The following CCDC178 variants were observed in gnomAD, a reference collection of about 807,000 sequenced individuals.
CCDC178 encodes the protein coiled-coil domain-containing protein 178.
CCDC178 carries 126 observed loss-of-function variants against 117.4 expected under a neutral mutation model. That is an observed-to-expected ratio of 1.07 (90% CI 0.93 to 1.24). The LOEUF is 1.24. Among genes scored for constraint, CCDC178 ranks in the 50% most tolerant of loss-of-function variants. CCDC178 has a pLI of 0.00. For missense variants in CCDC178, 1,030 were observed against 986.9 expected, an observed-to-expected ratio of 1.04 and a Z score of -0.59; for synonymous variants, 283 against 313.4, an observed-to-expected ratio of 0.90 and a Z score of 1.02.
rs2054875746 is a variant in CCDC178 at position 32,969,164 on chromosome 18, GAGATGA to G, written c.2523+5377_2523+5382del. ...TCCAAGAACTGCAGCTGGTGCCAGG[GAGATGA>G]AGATGAAGAAATAAGACATGCTTTC... On this transcript the variant is annotated intron_variant, in intron 22 of 22. Coordinates refer to ENST00000383096, the MANE Select transcript of CCDC178 (RefSeq NM_001105528.4). 3.9e-5 allele frequency among the ~76,000 whole-genome samples: 6 copies of G among 152,142 alleles called. No homozygotes were observed. In the South Asian group the frequency reaches 1.2e-3, roughly 32 times the overall value.
At chr18:33,125,194 T>C (rs966899945) in intron 20 of CCDC178, among the ~76,000 whole-genome samples, 1 of 152,176 alleles carries the variant, frequency 6.6e-6, no homozygotes, top group South Asian at 2.1e-4. Context: ...AATTTTGTTC[T>C]GGATTTTGCA....
intron 12 of CCDC178, among the ~76,000 whole-genome samples, chr18:33,277,034 C>T (rs1413569908): frequency 2.6e-5 from 4 of 152,022 alleles, no homozygotes; most frequent in African/African-American, 4.8e-5. Context: ...GTAGCAATCC[C>T]ATTAAGAGTG....
At chr18:33,328,287 G>C (rs2062615704) in intron 10 of CCDC178, among the ~76,000 whole-genome samples, 1 of 151,750 alleles carries the variant, frequency 6.6e-6, no homozygotes, top group Non-Finnish European at 1.5e-5. Flanking sequence ...ATTTTTAGTA[G>C]AAACGGGGTT....
intron 6 of CCDC178, among the ~76,000 whole-genome samples, chr18:33,360,241 C>A (rs1239308887): frequency 6.6e-6 from 1 of 150,390 alleles, no homozygotes; most frequent in South Asian, 2.1e-4. Context: ...CTCAAAAGAA[C>A]TGAAAACAGG....
At chr18:33,204,031 C>G (rs942104592) in intron 20 of CCDC178, among the ~76,000 whole-genome samples, 1 of 152,072 alleles carries the variant, frequency 6.6e-6, no homozygotes, top group African/African-American at 2.4e-5. Flanking sequence ...GTGAAGGACA[C>G]AAATAGAGAT....
chr18:33,226,391 A>G (rs980892378), intron 16 of CCDC178, among the ~76,000 whole-genome samples: 11 of 152,184 alleles, frequency 7.2e-5, no homozygotes, highest in Admixed American at 6.5e-5. Flanking sequence ...TACATGCTTT[A>G]TTTTCAAAAT....
intron 14 of CCDC178, among the ~76,000 whole-genome samples, chr18:33,266,591 A>T (rs1020823567): frequency 6.9e-6 from 1 of 145,868 alleles, no homozygotes; most frequent in Admixed American, 6.9e-5. Flanking sequence ...GGGTGAACAA[A>T]GAGAACACAT....
At chr18:32,962,242 T>C (rs2054718719) in intron 22 of CCDC178, among the ~76,000 whole-genome samples, 1 of 152,116 alleles carries the variant, frequency 6.6e-6, no homozygotes, top group African/African-American at 2.4e-5. Flanking sequence ...GTAAATCTTA[T>C]ACTACAATGT....
intron 11 of CCDC178, among the ~76,000 whole-genome samples, chr18:33,314,252 A>C (rs1317773149): frequency 1.3e-5 from 2 of 148,350 alleles, no homozygotes; most frequent in Non-Finnish European, 3.0e-5. Flanking sequence ...GCCTAGATTC[A>C]GGCTGCCATG....
At chr18:32,967,829 T>C (rs188863420) in intron 22 of CCDC178, among the ~76,000 whole-genome samples, 12 of 151,792 alleles carry the variant, frequency 7.9e-5, no homozygotes, top group Admixed American at 7.2e-4. Context: ...TCTAATTTAA[T>C]TGTGTTTGTA....
intron 7 of CCDC178, among the ~76,000 whole-genome samples, chr18:33,349,400 T>A (rs994594254): frequency 1.3e-5 from 2 of 151,848 alleles, no homozygotes; most frequent in Non-Finnish European, 3.0e-5. Flanking sequence ...TAGAAAAATA[T>A]CTAAATTAAA....
intron 21 of CCDC178, among the ~76,000 whole-genome samples, chr18:33,038,146 A>C (rs561850521): frequency 6.6e-6 from 1 of 152,112 alleles, no homozygotes; most frequent in South Asian, 2.1e-4. Context: ...GCAAACTACT[A>C]TAGACATTTT....
At chr18:33,104,711 G>C (rs1389490671) in intron 20 of CCDC178, among the ~76,000 whole-genome samples, 1 of 151,706 alleles carries the variant, frequency 6.6e-6, no homozygotes, top group Non-Finnish European at 1.5e-5. Context: ...TACGATGGAA[G>C]GAAGGTTAAA....
chr18:33,313,634 C>A (rs1331985059), intron 11 of CCDC178, among the ~76,000 whole-genome samples: 1 of 152,136 alleles, frequency 6.6e-6, no homozygotes, highest in Non-Finnish European at 1.5e-5. Flanking sequence ...TGACTGGGAT[C>A]TTCATGGAGC....
chr18:33,190,305 C>T (rs2058842205), intron 20 of CCDC178, among the ~76,000 whole-genome samples: 1 of 152,166 alleles, frequency 6.6e-6, no homozygotes, highest in African/African-American at 2.4e-5. Context: ...TCCTATAACA[C>T]ATCTCTTATT....
intron 12 of CCDC178, among the ~76,000 whole-genome samples, chr18:33,278,596 A>G (rs979770922): frequency 2.0e-5 from 3 of 152,114 alleles, no homozygotes; most frequent in African/African-American, 4.8e-5. Flanking sequence ...TCATATACAA[A>G]ACAAACACAG....
intron 20 of CCDC178, among the ~76,000 whole-genome samples, chr18:33,211,463 T>A (rs1009690265): frequency 6.6e-6 from 1 of 151,804 alleles, no homozygotes; most frequent in Non-Finnish European, 1.5e-5. Context: ...TCCATTAGAA[T>A]ATTATGCAAA....
chr18:33,227,548 GTGTGTGTGTATATA>G (rs751032954), intron 15 of CCDC178, among the ~76,000 whole-genome samples: 172 of 89,298 alleles, frequency 1.9e-3, no homozygotes, highest in African/African-American at 5.7e-3. Context: ...GTGTGTGTGT[GTGTGTGTGTATATA>G]TATATATATA....
chr18:33,366,267 C>T (rs772711336), intron 6 of CCDC178, among the ~76,000 whole-genome samples: 13 of 151,950 alleles, frequency 8.6e-5, no homozygotes, highest in African/African-American at 2.7e-4. Flanking sequence ...CAGTTCAAGA[C>T]GAGCAGGGCC....
Sources: gnomAD v4.1 joint callset for allele counts (sites outside exome capture counted in the v4.1 genomes callset) on GRCh38, gnomAD v4.1.1 for gene constraint, MANE v1.5 for transcripts, NCBI Gene and HGNC (gene_info 2026-07-23, HGNC 2026-07-21) for gene names.